The following MCPH1 variants were observed in gnomAD, a reference collection of about 807,000 sequenced individuals.
MCPH1 encodes microcephalin.
Under a neutral mutation model 84.5 loss-of-function variants are expected in MCPH1, and 104 were observed. That is an observed-to-expected ratio of 1.23 (90% CI 1.05 to 1.45). MCPH1 has a LOEUF of 1.45. Ranked by LOEUF, MCPH1 falls within the 40% of genes most tolerant of loss-of-function variation. The pLI is 0.00. For missense variants in MCPH1, 1,498 were observed against 1,005.7 expected (o/e 1.49, Z -6.62); for synonymous variants, 514 against 366.8 (o/e 1.40, Z -4.58).
chr8:6,613,129 C>G (rs3020257), intron 12 of MCPH1, among the ~76,000 whole-genome samples: 1 of 152,058 alleles, frequency 6.6e-6, no homozygotes, highest in Non-Finnish European at 1.5e-5. Flanking sequence ...GGCAGGCCTG[C>G]AGCAGGTGCC....
chr8:6,406,817 A>G, intron 1 of MCPH1, 128 bp downstream of exon 1: 4 of 852,504 alleles, frequency 4.7e-6, no homozygotes, highest in Non-Finnish European at 6.9e-6. Flanking sequence ...TGTCTCCCCC[A>G]GACCCCCTGC....
chr8:6,574,731 G>A (rs1826930951), intron 12 of MCPH1, among the ~76,000 whole-genome samples: 1 of 152,168 alleles, frequency 6.6e-6, no homozygotes, highest in Non-Finnish European at 1.5e-5. Context: ...GTCATCCCAG[G>A]TGTAGGACAG....
intron 12 of MCPH1, chr8:6,508,776 A>G: frequency 9.2e-7 from 1 of 1,085,812 alleles, no homozygotes; most frequent in Non-Finnish European, 1.4e-6. Flanking sequence ...GTCTAAAAAA[A>G]GTGAAAAACA....
At chr8:6,452,987 C>G (rs1805259499) in intron 8 of MCPH1, among the ~76,000 whole-genome samples, 3 of 152,168 alleles carry the variant, frequency 2.0e-5, no homozygotes, top group East Asian at 1.9e-4. Flanking sequence ...GCTGGGAGGT[C>G]TAGACAAGGT....
intron 12 of MCPH1, among the ~76,000 whole-genome samples, chr8:6,599,025 A>G (rs1829155814): frequency 6.6e-6 from 1 of 152,212 alleles, no homozygotes; most frequent in African/African-American, 2.4e-5. Context: ...ACCTATTGAG[A>G]TGCTACTTCC....
At chr8:6,573,205 T>C (rs190583144) in intron 12 of MCPH1, among the ~76,000 whole-genome samples, 1 of 151,696 alleles carries the variant, frequency 6.6e-6, no homozygotes, top group Non-Finnish European at 1.5e-5. Context: ...GGCGGGGGAG[T>C]GTCCTGATGT....
At chr8:6,450,382 C>T (rs187975792) in intron 8 of MCPH1, among the ~76,000 whole-genome samples, 2 of 151,862 alleles carry the variant, frequency 1.3e-5, no homozygotes, top group East Asian at 3.9e-4. Flanking sequence ...AGACAACATT[C>T]TATGGGCAAG....
chr8:6,483,961 A>G (rs531426775), intron 11 of MCPH1, among the ~76,000 whole-genome samples: 1 of 152,194 alleles, frequency 6.6e-6, no homozygotes, highest in Non-Finnish European at 1.5e-5. Flanking sequence ...TCATAGACAA[A>G]ATTTAAAGGT....
rs182598865 is a variant in MCPH1, at chr8:6,506,095, C to G, written c.2214+6166C>G. Among the ~76,000 whole-genome samples, 7 of 149,368 alleles carry G rather than the reference C, an allele frequency of 4.7e-5. No homozygotes were observed. The East Asian group carries it at 1.2e-3, about 25-fold the overall frequency. On this transcript the variant is annotated intron_variant, in intron 12 of 13. Coordinates refer to ENST00000344683, the MANE Select transcript of MCPH1 (RefSeq NM_024596.5). ...TTGGTTTGTTATTTCATCCAGGTTC[C>G]TACATTGTTTCTTGGTGGTAACAGC...
At chr8:6,496,247 C>CTCA in intron 11 of MCPH1, among the ~76,000 whole-genome samples, 1 of 152,252 alleles carries the variant, frequency 6.6e-6, no homozygotes, top group South Asian at 2.1e-4. Flanking sequence ...ACCTAGATCC[C>CTCA]TCATCTGCAC....
rs560341891 is a variant in MCPH1, at chr8:6,524,432, C to T, written c.2214+24503C>T. On this transcript the variant is annotated intron_variant, in intron 12 of 13. Transcript: ENST00000344683. ...CCTGCTTGATAAAGAAACCTTGAACCGGCCATTTAACACTGCTGTGAGTTA... is the reference window on the plus strand; with the variant it reads ...CCTGCTTGATAAAGAAACCTTGAACTGGCCATTTAACACTGCTGTGAGTTA... Among the ~76,000 whole-genome samples the T allele has an allele frequency of 2.2e-4, 33 of 152,244 alleles. No homozygotes were observed. In the South Asian group the frequency reaches 3.7e-3, roughly 17 times the overall value.
At chr8:6,473,920 A>G in intron 9 of MCPH1, 1 of 1,543,076 alleles carries the variant, frequency 6.5e-7, no homozygotes, top group Non-Finnish European at 8.8e-7. Flanking sequence ...CTTCTGGTTT[A>G]TTGCTGGGCA....
chr8:6,472,119 A>G (rs868717149), intron 9 of MCPH1, among the ~76,000 whole-genome samples: 1 of 152,224 alleles, frequency 6.6e-6, no homozygotes, highest in South Asian at 2.1e-4. Flanking sequence ...CATCTAATTT[A>G]TAAAAATGGA....
At chr8:6,570,500 C>T (rs1446031692) in intron 12 of MCPH1, among the ~76,000 whole-genome samples, 1 of 152,132 alleles carries the variant, frequency 6.6e-6, no homozygotes, top group Non-Finnish European at 1.5e-5. Context: ...TTTTCATTTG[C>T]GGGTAGATAG....
At chr8:6,592,637 T>G (rs1712161492) in intron 12 of MCPH1, among the ~76,000 whole-genome samples, 1 of 139,296 alleles carries the variant, frequency 7.2e-6, no homozygotes. Context: ...TTTTTTTTTT[T>G]TTTTTTGTTG....
At chr8:6,472,699 C>T (rs1807905030) in intron 9 of MCPH1, among the ~76,000 whole-genome samples, 1 of 152,140 alleles carries the variant, frequency 6.6e-6, no homozygotes, top group South Asian at 2.1e-4. Context: ...AACTCCTGAC[C>T]TCAGGTAATC....
intron 3 of MCPH1, among the ~76,000 whole-genome samples, chr8:6,423,111 G>A (rs1195178931): frequency 4.6e-5 from 7 of 151,198 alleles, no homozygotes; most frequent in African/African-American, 4.9e-5. Flanking sequence ...AAGAGCCACC[G>A]TGCCTGGCAA....
chr8:6,418,932 C>G (rs926756531), intron 3 of MCPH1, among the ~76,000 whole-genome samples: 2 of 152,036 alleles, frequency 1.3e-5, no homozygotes, highest in African/African-American at 4.8e-5. Flanking sequence ...TTGAATTGAT[C>G]ATTCCAGTTC....
At chr8:6,558,745 A>G (rs1825048121) in intron 12 of MCPH1, among the ~76,000 whole-genome samples, 1 of 152,138 alleles carries the variant, frequency 6.6e-6, no homozygotes, top group Non-Finnish European at 1.5e-5. Flanking sequence ...TGATATCTAA[A>G]TAGTTAATCC....
Sources: allele counts gnomAD v4.1 joint callset (sites outside exome capture counted in the v4.1 genomes callset), GRCh38; gene constraint gnomAD v4.1.1; transcripts MANE v1.5; gene names NCBI Gene and HGNC (gene_info 2026-07-23, HGNC 2026-07-21).